The following CSGALNACT1 variants were observed in gnomAD, a reference collection of about 807,000 sequenced individuals.
CSGALNACT1 encodes beta4GalNAcT-1.
CSGALNACT1 carries 52 observed loss-of-function variants against 51.0 expected under a neutral mutation model. The observed-to-expected ratio is 1.02, with a 90% CI of 0.82 to 1.29. CSGALNACT1 has a LOEUF of 1.29. Ranked by LOEUF, CSGALNACT1 falls within the 50% of genes most tolerant of loss-of-function variation. The probability of loss-of-function intolerance (pLI) is 0.00; values close to 1 mark genes in which losing one functional copy is unlikely to be tolerated. For missense variants in CSGALNACT1, 935 were observed against 679.2 expected (o/e 1.38, Z -4.19); for synonymous variants, 341 against 254.4 (o/e 1.34, Z -3.24).
chr8:19,516,374 G>C (rs191317421), intron 3 of CSGALNACT1, among the ~76,000 whole-genome samples: 25 of 152,112 alleles, frequency 1.6e-4, no homozygotes, highest in African/African-American at 5.8e-4. Context: ...TGTTCAACCC[G>C]CTTCATAATC....
At chr8:19,590,713 G>A (rs1472468727) in intron 3 of CSGALNACT1, among the ~76,000 whole-genome samples, 6 of 136,930 alleles carry the variant, frequency 4.4e-5, no homozygotes, top group Non-Finnish European at 7.6e-5. Flanking sequence ...GCATTGGCGC[G>A]ATCTCGGCTC....
At chr8:19,502,093 A>T (rs1167229680) in intron 4 of CSGALNACT1, among the ~76,000 whole-genome samples, 1 of 152,230 alleles carries the variant, frequency 6.6e-6, no homozygotes, top group African/African-American at 2.4e-5. Context: ...GCAGAACTGT[A>T]GAAAGTGGCC....
chr8:19,592,776 A>G (rs1347274097), intron 2 of CSGALNACT1, among the ~76,000 whole-genome samples: 2 of 152,152 alleles, frequency 1.3e-5, no homozygotes, highest in Non-Finnish European at 2.9e-5. Flanking sequence ...TCTCTAATGA[A>G]AAAAAAATTT....
intron 1 of CSGALNACT1, among the ~76,000 whole-genome samples, chr8:19,666,967 GAA>G (rs1194588942): frequency 1.0e-4 from 1 of 9,988 alleles, no homozygotes; most frequent in Non-Finnish European, 1.7e-4. Flanking sequence ...AAGAAAGAAA[GAA>G]AGAAAGAAAG....
chr8:19,517,324 C>T (rs1403613238), intron 3 of CSGALNACT1, among the ~76,000 whole-genome samples: 1 of 152,042 alleles, frequency 6.6e-6, no homozygotes, highest in Non-Finnish European at 1.5e-5. Flanking sequence ...CCTGTAATCC[C>T]AGTTGCTCGG....
intron 3 of CSGALNACT1, among the ~76,000 whole-genome samples, chr8:19,508,938 T>G (rs2077902920): frequency 6.6e-6 from 1 of 152,212 alleles, no homozygotes; most frequent in African/African-American, 2.4e-5. Flanking sequence ...TGAAATTCAC[T>G]AGTATAAATT....
intron 5 of CSGALNACT1, among the ~76,000 whole-genome samples, chr8:19,453,248 A>C (rs1298119990): frequency 1.3e-5 from 2 of 152,216 alleles, no homozygotes; most frequent in Non-Finnish European, 2.9e-5. Context: ...ATTTTTAAAA[A>C]GTCCAAAGAG....
intron 6 of CSGALNACT1, among the ~76,000 whole-genome samples, chr8:19,428,701 A>T (rs1317872232): frequency 6.6e-6 from 1 of 152,158 alleles, no homozygotes; most frequent in Non-Finnish European, 1.5e-5. Flanking sequence ...GTCTTAAATA[A>T]ACTACTATAC....
rs1026258958 is a variant in CSGALNACT1 at position 19,445,858 on chromosome 8, T to C, written c.852-5927A>G. Among the ~76,000 whole-genome samples, 4 of 152,146 alleles carry C rather than the reference T, an allele frequency of 2.6e-5. No homozygotes were observed. The South Asian group carries it at 8.3e-4, about 32-fold the overall frequency. ...ATGTGAGTGAATGTGTCCATATGTTTTTGGTTTGGAGGCAAAAGTTTAAAA... is the reference window on the plus strand; with the variant it reads ...ATGTGAGTGAATGTGTCCATATGTTCTTGGTTTGGAGGCAAAAGTTTAAAA... On this transcript the variant is annotated intron_variant, in intron 5 of 9. Transcript: ENST00000454498.
chr8:19,560,599 G>A (rs148439874), intron 3 of CSGALNACT1, among the ~76,000 whole-genome samples: 1 of 152,272 alleles, frequency 6.6e-6, no homozygotes, highest in Non-Finnish European at 1.5e-5. Context: ...GGAAATCCGT[G>A]TGACCACAAA....
intron 1 of CSGALNACT1, among the ~76,000 whole-genome samples, chr8:19,615,308 A>G (rs1052961354): frequency 2.0e-5 from 3 of 152,214 alleles, no homozygotes; most frequent in African/African-American, 4.8e-5. Flanking sequence ...ATCTCCATCA[A>G]TCAACTGATA....
At chr8:19,470,648 G>C (rs1436797888) in intron 4 of CSGALNACT1, among the ~76,000 whole-genome samples, 1 of 152,032 alleles carries the variant, frequency 6.6e-6, no homozygotes, top group African/African-American at 2.4e-5. Context: ...AAATGTAAGG[G>C]GATGATTCGG....
chr8:19,673,499 A>G (rs1269548286), intron 1 of CSGALNACT1, among the ~76,000 whole-genome samples: 1 of 152,186 alleles, frequency 6.6e-6, no homozygotes, highest in Non-Finnish European at 1.5e-5. Flanking sequence ...GCTGGCTTCC[A>G]CACTGTTACA....
chr8:19,467,391 G>T (rs752461547), intron 4 of CSGALNACT1, among the ~76,000 whole-genome samples: 23 of 152,010 alleles, frequency 1.5e-4, no homozygotes, highest in Non-Finnish European at 2.6e-4. Context: ...AAAGTGCTGG[G>T]ATTACAGGCG....
In CSGALNACT1 at chr8:19,660,653, A is replaced by C. The variant is rs142007789; in HGVS notation, c.-544+21820T>G. ...ATGCAGGACCCACTAGGTAGCAAGGAAACACTCCCCTCTTACTCACAAAAG... is the reference window on the plus strand; with the variant it reads ...ATGCAGGACCCACTAGGTAGCAAGGCAACACTCCCCTCTTACTCACAAAAG... On this transcript the variant is annotated intron_variant, in intron 1 of 9. Coordinates refer to the CSGALNACT1 transcript ENST00000332246. 4.6e-5 allele frequency among the ~76,000 whole-genome samples: 7 copies of C among 152,234 alleles called. No individual in the cohort carries two copies. The South Asian group carries it at 1.5e-3, about 32-fold the overall frequency.
chr8:19,676,630 A>C (rs538603728), intron 1 of CSGALNACT1, among the ~76,000 whole-genome samples: 1 of 152,228 alleles, frequency 6.6e-6, no homozygotes, highest in African/African-American at 2.4e-5. Context: ...GAACAGAGGA[A>C]GAAATTAAGA....
rs374449032 is a variant in CSGALNACT1 at position 19,455,280 on chromosome 8, T to C, written c.851+3146A>G. Among the ~76,000 whole-genome samples the C allele has an allele frequency of 5.2e-4, 79 of 152,278 alleles. No homozygotes were observed. In the South Asian group the frequency reaches 0.014, roughly 28 times the overall value. Reference sequence around the variant, plus strand: ...ATCTTTAAACAAAATATAAAACATATGGTAGCTATATAAATATTTAGAAAA... The same window carrying C: ...ATCTTTAAACAAAATATAAAACATACGGTAGCTATATAAATATTTAGAAAA... On this transcript the variant is annotated intron_variant, in intron 5 of 9. Transcript: ENST00000454498.
chr8:19,629,569 T>C (rs888913178), intron 1 of CSGALNACT1, among the ~76,000 whole-genome samples: 3 of 152,248 alleles, frequency 2.0e-5, no homozygotes, highest in Admixed American at 6.5e-5. Flanking sequence ...ACTCAGATTA[T>C]TTCCATTATG....
intron 8 of CSGALNACT1, among the ~76,000 whole-genome samples, chr8:19,417,853 C>A (rs527808450): frequency 1.3e-5 from 2 of 152,180 alleles, no homozygotes; most frequent in Non-Finnish European, 2.9e-5. Flanking sequence ...TCAACAATAC[C>A]GGGAAATTCC....
Sources: gnomAD v4.1 joint callset for allele counts (sites outside exome capture counted in the v4.1 genomes callset) on GRCh38, gnomAD v4.1.1 for gene constraint, MANE v1.5 for transcripts, NCBI Gene and HGNC (gene_info 2026-07-23, HGNC 2026-07-21) for gene names.